Variants in USP39 observed in about 807,000 individuals in gnomAD.
The protein encoded by USP39 is ubiquitin specific peptidase 39.
In USP39, 38 loss-of-function variants were observed where a neutral mutation model predicts 66.4. That is an observed-to-expected ratio of 0.57 (90% confidence interval 0.44 to 0.75). USP39 has a LOEUF of 0.75. USP39 is among the 30% of genes least tolerant of loss of function. The pLI is 0.00. For synonymous variants in USP39, 303 were observed against 274.6 expected (o/e 1.10, Z -1.02); for missense variants, 608 against 714.4 (o/e 0.85, Z 1.70).
intron 7 of USP39, among the ~76,000 whole-genome samples, 174 bp downstream of exon 7, chr2:85,636,304 C>A (rs1385643758): frequency 6.6e-6 from 1 of 152,038 alleles, no homozygotes; most frequent in Admixed American, 6.6e-5. Context: ...CCCATCTCTA[C>A]CAAAAATACA....
upstream of USP39, chr2:85,616,024 G>A: frequency 4.0e-6 from 5 of 1,254,618 alleles, no homozygotes; most frequent in Middle Eastern, 3.1e-4. Context: ...TAAGGGGAGA[G>A]GAAGCCAGTG....
chr2:85,640,889 T>A, intron 9 of USP39, 87 bp from the exon 10 acceptor site: 1 of 1,293,508 alleles, frequency 7.7e-7, no homozygotes, highest in South Asian at 1.5e-5. Flanking sequence ...AATTATATTT[T>A]AAAAAATCGA....
At chr2:85,612,035 C>A (rs752836689), upstream of USP39, 3 of 1,310,368 alleles carry the variant, frequency 2.3e-6, no homozygotes, top group South Asian at 4.4e-5. Flanking sequence ...CCAACAACAG[C>A]CACCCGCCCA....
chr2:85,603,577 TTTTTACTTTTTC>T (rs1279068593), intron 1 of USP39, among the ~76,000 whole-genome samples: 2 of 152,056 alleles, frequency 1.3e-5, no homozygotes, highest in Non-Finnish European at 2.9e-5. Flanking sequence ...GTTTCTTTTT[TTTTTACTTTTTC>T]TTTTTCTTTT....
rs537162822 is a variant in USP39 at position 85,634,447 on chromosome 2, G to T, written c.950-1606G>T. On this transcript the variant is annotated intron_variant, in intron 6 of 12. Transcript: ENST00000323701. ...AAGTTAGCCGGGCATGATGGCACAC[G>T]CCTGTAGTCCCAGCTACTTGGGAAA... Among the ~76,000 whole-genome samples the T allele has an allele frequency of 3.6e-4, 55 of 152,108 alleles. 1 individual carries two copies. Among genetic ancestry groups the T allele is most frequent in the Non-Finnish European group, 6.2e-4 (42 of 68,026 alleles).
upstream of USP39, chr2:85,610,696 A>C (rs1309528743): frequency 6.6e-6 from 1 of 151,592 alleles, no homozygotes; most frequent in African/African-American, 2.4e-5. Context: ...ATGCGGGCAG[A>C]TCACCTGAGC....
intron 12 of USP39, 65 bp from the exon 13 acceptor site, chr2:85,648,696 T>TA (rs1676829320): frequency 6.4e-7 from 1 of 1,561,616 alleles, no homozygotes; most frequent in Non-Finnish European, 8.8e-7. Flanking sequence ...ACAGAATAGG[T>TA]ATTTGATAAG....
intron 2 of USP39, among the ~76,000 whole-genome samples, chr2:85,620,534 A>G (rs150038329): frequency 0.013 from 2,024 of 152,170 alleles, 18 homozygotes; most frequent in Non-Finnish European, 0.021. Flanking sequence ...GGCATGAGCC[A>G]CCTGTGGCTT....
chr2:85,639,604 G>A (rs557418487), intron 9 of USP39: 13 of 442,138 alleles, frequency 2.9e-5, no homozygotes, highest in South Asian at 7.3e-5. Flanking sequence ...ACAGACATCC[G>A]CCACCATGAC....
upstream of USP39, chr2:85,611,957 C>T (rs1156871871): frequency 7.1e-6 from 11 of 1,559,690 alleles, no homozygotes; most frequent in Non-Finnish European, 9.5e-6. Flanking sequence ...CAGCAGTGCC[C>T]CGGCCGGGGA....
chr2:85,639,448 C>CTT, intron 9 of USP39, 57 bp downstream of exon 9: 2 of 1,147,238 alleles, frequency 1.7e-6, no homozygotes, highest in African/African-American at 1.6e-5. Flanking sequence ...TCGACTTTTT[C>CTT]ATTTTCTTTT....
At position 85,648,027 on chromosome 2, in the gene USP39, C is replaced by CA; in HGVS notation, c.1650+12dup. 2 of 1,613,870 alleles carry CA rather than the reference C, an allele frequency of 1.2e-6. No individual in the cohort carries two copies. On this transcript the variant is annotated intron_variant, in intron 12 of 12. Coordinates refer to ENST00000323701, the MANE Select transcript of USP39 (RefSeq NM_006590.4). ...GAGGCTTACATTCAGGTGGGTTGGC[C>CA]ACAGGCTTAGTGAGCCACAAATAGG...
At position 85,639,379 on chromosome 2, in the gene USP39, C is replaced by T. The variant is rs1676050852; in HGVS notation, c.1272C>T (p.Gly424=). Residue 424 remains glycine, a synonymous_variant, in exon 9 of 13, where the codon GGC becomes GGT. Coordinates refer to ENST00000323701, the MANE Select transcript of USP39 (RefSeq NM_006590.4). ...TCAACATCCTGGCTAAGTTCAATGG[C>T]ATCACTGAGAAGGTAGCCCATTAAC... The part of the protein sequence containing the change: ...PLFNILAKFN[G]ITEKEYKTYK... The T allele has an allele frequency of 6.2e-7, 1 of 1,613,526 alleles. No individual in the cohort carries two copies. The highest frequency in any genetic ancestry group is 1.3e-5 in the African/African-American group (1 of 74,854).
intron 4 of USP39, among the ~76,000 whole-genome samples, chr2:85,624,413 A>G (rs1674695292): frequency 6.6e-6 from 1 of 151,736 alleles, no homozygotes; most frequent in South Asian, 2.1e-4. Flanking sequence ...TGGTGCCATC[A>G]CAGCTCACTG....
At chr2:85,619,310 G>A (rs751613513) in intron 2 of USP39, 21 bp downstream of exon 2, 1 of 1,610,328 alleles carries the variant, frequency 6.2e-7, no homozygotes, top group Non-Finnish European at 8.5e-7. Flanking sequence ...CAGAGATGCT[G>A]AGTATAGCAC....
chr2:85,634,792 T>C (rs1232215990), intron 6 of USP39, among the ~76,000 whole-genome samples: 1 of 152,190 alleles, frequency 6.6e-6, no homozygotes, highest in Admixed American at 6.6e-5. Context: ...TTGTGGACCA[T>C]GAATGGATGG....
intron 4 of USP39, among the ~76,000 whole-genome samples, chr2:85,624,917 C>G (rs1239595250): frequency 6.7e-6 from 1 of 149,166 alleles, no homozygotes; most frequent in African/African-American, 2.5e-5. Flanking sequence ...GAGCCAAGAT[C>G]ATGCCATGGC....
At chr2:85,609,030 G>A (rs775005531), upstream of USP39, 1 of 1,614,254 alleles carries the variant, frequency 6.2e-7, no homozygotes, top group South Asian at 1.1e-5. Context: ...AGGCGTGTGT[G>A]CCGACACCTT....
upstream of USP39, among the ~76,000 whole-genome samples, chr2:85,615,042 CAG>C (rs942321395): frequency 7.1e-5 from 10 of 140,134 alleles, no homozygotes; most frequent in African/African-American, 3.0e-4. Flanking sequence ...GTGGGTATGA[CAG>C]AGTTTCACTC....
Sources: allele counts gnomAD v4.1 joint callset (sites outside exome capture counted in the v4.1 genomes callset), GRCh38; gene constraint gnomAD v4.1.1; transcripts MANE v1.5; gene names NCBI Gene and HGNC (gene_info 2026-07-23, HGNC 2026-07-21).